MYO1H: variants seen among roughly 807,000 people sequenced by gnomAD.
MYO1H encodes myosin IH.
Under a neutral mutation model 149.3 loss-of-function variants are expected in MYO1H, and 118 were observed. The observed-to-expected ratio is 0.79, with a 90% CI of 0.68 to 0.92. MYO1H has a LOEUF of 0.92. Among genes scored for constraint, MYO1H ranks in the 40% least tolerant of loss-of-function variants. The probability of loss-of-function intolerance (pLI) is 0.00; values close to 1 mark genes in which losing one functional copy is unlikely to be tolerated. For synonymous variants in MYO1H, 447 were observed against 465.2 expected, an observed-to-expected ratio of 0.96 and a Z score of 0.50; for missense variants, 1,212 against 1,280.7, an observed-to-expected ratio of 0.95 and a Z score of 0.82.
chr12:109,406,932 G>A, intron 9 of MYO1H, 72 bp downstream of exon 9: 12 of 1,418,782 alleles, frequency 8.5e-6, no homozygotes, highest in Non-Finnish European at 1.2e-5. Context: ...ACAGCAGGGT[G>A]GTGGCCTCAG....
intron 1 of MYO1H, among the ~76,000 whole-genome samples, chr12:109,354,630 A>AAAAAAAAAAAAAAAG (rs796354256): frequency 3.7e-5 from 5 of 134,038 alleles, no homozygotes; most frequent in Admixed American, 8.1e-5. Context: ...AAAAAAAAAA[A>AAAAAAAAAAAAAAAG]AAAAGAAAAG....
intron 14 of MYO1H, among the ~76,000 whole-genome samples, chr12:109,413,119 G>A (rs964896985): frequency 7.9e-5 from 12 of 151,938 alleles, no homozygotes; most frequent in African/African-American, 2.4e-4. Context: ...GACTACAGGT[G>A]TGCGCCATCA....
chr12:109,331,863 A>G, the MYO1H span, among the ~76,000 whole-genome samples: 1 of 152,192 alleles, frequency 6.6e-6, no homozygotes, highest in South Asian at 2.1e-4. Context: ...CTGTGTGTAT[A>G]CAGCCTAACC....
chr12:109,419,092 T>G (rs1871055787), intron 15 of MYO1H, among the ~76,000 whole-genome samples: 1 of 152,224 alleles, frequency 6.6e-6, no homozygotes, highest in Non-Finnish European at 1.5e-5. Flanking sequence ...CCTTTTACTC[T>G]CAGTGTCTCC....
chr12:109,371,371 C>T (rs754751662), intron 1 of MYO1H, among the ~76,000 whole-genome samples: 18 of 151,982 alleles, frequency 1.2e-4, no homozygotes, highest in Non-Finnish European at 1.8e-4. Flanking sequence ...TGTGTGCCAT[C>T]GCACCTGGCT....
the MYO1H span, among the ~76,000 whole-genome samples, chr12:109,338,089 G>T: frequency 2.6e-5 from 4 of 152,098 alleles, no homozygotes; most frequent in Non-Finnish European, 5.9e-5. Context: ...TTTCGTTTTC[G>T]AGACGGTCTT....
upstream of MYO1H, among the ~76,000 whole-genome samples, chr12:109,346,813 T>C (rs901722059): frequency 1.2e-4 from 19 of 152,114 alleles, no homozygotes; most frequent in Non-Finnish European, 8.8e-5. Context: ...TATAAAATTA[T>C]ATATTTTTAA....
exon 2 of MYO1H, chr12:109,388,752 G>A (rs771450692): frequency 9.3e-6 from 15 of 1,612,632 alleles, no homozygotes; most frequent in African/African-American, 1.3e-5. Flanking sequence ...GGACAAGGTC[G>A]GGGTTCAGGA....
chr12:109,343,389 A>G (rs996772484), upstream of MYO1H, among the ~76,000 whole-genome samples: 11 of 152,380 alleles, frequency 7.2e-5, no homozygotes, highest in East Asian at 1.9e-3. Context: ...TTATAACTCA[A>G]CAGAAACCAC....
intron 1 of MYO1H, among the ~76,000 whole-genome samples, chr12:109,367,499 G>A (rs143210896): frequency 1.6e-3 from 240 of 152,146 alleles, no homozygotes; most frequent in Non-Finnish European, 2.8e-3. Context: ...TTTGTGGAAG[G>A]GGAAGTTGCG....
At chr12:109,424,319 C>A (rs1408366178) in intron 16 of MYO1H, among the ~76,000 whole-genome samples, 1 of 152,140 alleles carries the variant, frequency 6.6e-6, no homozygotes, top group Non-Finnish European at 1.5e-5. Flanking sequence ...CACCACCACA[C>A]CTGGCTAACT....
chr12:109,415,204 C>T (rs1008815395), intron 14 of MYO1H, among the ~76,000 whole-genome samples: 4 of 152,084 alleles, frequency 2.6e-5, no homozygotes, highest in African/African-American at 9.7e-5. Context: ...GGGCCAGGCA[C>T]GGTGGCTTAG....
the MYO1H span, among the ~76,000 whole-genome samples, chr12:109,338,638 C>T: frequency 7.2e-5 from 11 of 151,874 alleles, no homozygotes; most frequent in East Asian, 7.8e-4. Context: ...TGTGATGGCA[C>T]GCGCCTCTTA....
intron 16 of MYO1H, among the ~76,000 whole-genome samples, chr12:109,422,677 G>A (rs762850921): frequency 2.6e-5 from 4 of 152,232 alleles, no homozygotes; most frequent in South Asian, 2.1e-4. Context: ...ACTTCAGGAC[G>A]GAACACTTCT....
the MYO1H span, among the ~76,000 whole-genome samples, chr12:109,318,974 T>TTTTTTTTTTTTTTTTTTTTTTTC: frequency 1.2e-5 from 1 of 83,406 alleles, no homozygotes; most frequent in African/African-American, 6.4e-5. Flanking sequence ...TTGGTTTTGT[T>TTTTTTTTTTTTTTTTTTTTTTTC]TTTTTTTTTT....
At chr12:109,369,740 C>T (rs150883731) in intron 1 of MYO1H, among the ~76,000 whole-genome samples, 14 of 152,258 alleles carry the variant, frequency 9.2e-5, no homozygotes, top group African/African-American at 2.6e-4. Context: ...CAGCATAGGT[C>T]GTCATAACCC....
intron 1 of MYO1H, among the ~76,000 whole-genome samples, chr12:109,385,433 C>A (rs940605985): frequency 6.6e-6 from 1 of 151,954 alleles, no homozygotes; most frequent in African/African-American, 2.4e-5. Context: ...GCTGGGACTA[C>A]AGGCACGCAC....
intron 1 of MYO1H, among the ~76,000 whole-genome samples, chr12:109,387,512 C>A (rs1286717609): frequency 6.6e-6 from 1 of 152,248 alleles, no homozygotes; most frequent in Non-Finnish European, 1.5e-5. Context: ...ACGCTTTAGG[C>A]ATTTCTCCTT....
chr12:109,370,640 G>A (rs1242988281), intron 1 of MYO1H, among the ~76,000 whole-genome samples: 2 of 152,194 alleles, frequency 1.3e-5, no homozygotes, highest in African/African-American at 4.8e-5. Context: ...TTATTGGCAG[G>A]GAGGTACATT....
Sources: gnomAD v4.1 joint callset for allele counts (sites outside exome capture counted in the v4.1 genomes callset) on GRCh38, gnomAD v4.1.1 for gene constraint, MANE v1.5 for transcripts, NCBI Gene and HGNC (gene_info 2026-07-23, HGNC 2026-07-21) for gene names.